The following PCDHA1 variants were observed in gnomAD, a reference collection of about 807,000 sequenced individuals.
PCDHA1 encodes the protein protocadherin alpha-1.
A neutral mutation model predicts 61.3 loss-of-function variants in PCDHA1; 42 were observed. That is an observed-to-expected ratio of 0.69 (90% CI 0.54 to 0.89). The LOEUF (loss-of-function observed/expected upper bound fraction) is 0.89, where lower values mean the gene tolerates loss of function less well. Among genes scored for constraint, PCDHA1 ranks in the 40% least tolerant of loss-of-function variants. The probability of loss-of-function intolerance (pLI) is 0.00; values close to 1 mark genes in which losing one functional copy is unlikely to be tolerated. For synonymous variants in PCDHA1, 610 were observed against 553.8 expected (o/e 1.10, Z -1.43); for missense variants, 1,256 against 1,235.3 (o/e 1.02, Z -0.25).
chr5:140,876,231 A>C (rs1428769390), intron 1 of PCDHA1: 4 of 1,614,004 alleles, frequency 2.5e-6, no homozygotes, highest in Non-Finnish European at 3.4e-6. Flanking sequence ...TGTTGTCTGA[A>C]AATGTCCAAA....
intron 1 of PCDHA1, chr5:140,807,985 C>T (rs782010468): frequency 1.9e-6 from 3 of 1,613,554 alleles, no homozygotes; most frequent in East Asian, 4.5e-5. Context: ...AACTTAACGC[C>T]TCAGATTTAG....
At chr5:140,792,402 A>G (rs1446928106) in intron 1 of PCDHA1, among the ~76,000 whole-genome samples, 1 of 152,176 alleles carries the variant, frequency 6.6e-6, no homozygotes, top group Non-Finnish European at 1.5e-5. Context: ...TAAACCTCAG[A>G]AAAGTGATGT....
chr5:140,932,203 T>C (rs1415160763), intron 1 of PCDHA1, among the ~76,000 whole-genome samples: 1 of 151,924 alleles, frequency 6.6e-6, no homozygotes, highest in Non-Finnish European at 1.5e-5. Context: ...TCTGTTAATA[T>C]TCTTGATGGG....
chr5:140,873,262 G>A (rs1196053156), intron 1 of PCDHA1, among the ~76,000 whole-genome samples: 2 of 152,136 alleles, frequency 1.3e-5, no homozygotes, highest in Non-Finnish European at 2.9e-5. Context: ...ACTCAAAAGT[G>A]ATTAAACCAT....
At chr5:140,870,810 T>C in intron 1 of PCDHA1, 2 of 1,613,710 alleles carry the variant, frequency 1.2e-6, no homozygotes, top group South Asian at 1.1e-5. Context: ...CGACTCAGGC[T>C]GGCAGCGCGG....
At chr5:141,006,363 C>A (rs2098270160) in intron 3 of PCDHA1, among the ~76,000 whole-genome samples, 1 of 152,080 alleles carries the variant, frequency 6.6e-6, no homozygotes, top group Non-Finnish European at 1.5e-5. Context: ...AGGCGCCCAC[C>A]ACCACGCCCG....
chr5:140,873,461 T>A (rs2054305243), intron 1 of PCDHA1, among the ~76,000 whole-genome samples: 1 of 152,224 alleles, frequency 6.6e-6, no homozygotes, highest in Admixed American at 6.5e-5. Context: ...GCATTTTAGA[T>A]AATTCAAATT....
intron 1 of PCDHA1, chr5:140,871,198 C>A: frequency 6.2e-7 from 1 of 1,613,730 alleles, no homozygotes; most frequent in Non-Finnish European, 8.5e-7. Flanking sequence ...CAACGTGTAC[C>A]TGATCATCGC....
chr5:140,797,261 A>G (rs540368650), intron 1 of PCDHA1: 1 of 1,614,214 alleles, frequency 6.2e-7, no homozygotes, highest in African/African-American at 1.3e-5. Flanking sequence ...GACCCCCCCA[A>G]GACGGACCTC....
chr5:140,861,121 A>G (rs556416106), intron 1 of PCDHA1: 3 of 153,482 alleles, frequency 2.0e-5, no homozygotes, highest in African/African-American at 7.2e-5. Flanking sequence ...ACAAACACCC[A>G]TTAAGACCAC....
At position 140,874,324 on chromosome 5, in the gene PCDHA1, C is replaced by A. The variant is rs1369470009; in HGVS notation, c.2394+85640C>A. On this transcript the variant is annotated intron_variant, in intron 1 of 3. Transcript: ENST00000504120. Reference sequence around the variant, plus strand: ...TTCACAATGAGTTGTAGGATCTTATCTGTTTTTTTCTCTTAAAGCTGATCT... The same window carrying A: ...TTCACAATGAGTTGTAGGATCTTATATGTTTTTTTCTCTTAAAGCTGATCT... Among the ~76,000 whole-genome samples the A allele has an allele frequency of 2.6e-5, 4 of 151,652 alleles. No individual in the cohort carries two copies. In the East Asian group the frequency reaches 7.7e-4, roughly 29 times the overall value.
At chr5:140,797,010 G>C (rs782780304) in intron 1 of PCDHA1, 4 of 1,613,628 alleles carry the variant, frequency 2.5e-6, no homozygotes, top group Non-Finnish European at 3.4e-6. Context: ...CGTCGCGGGC[G>C]TGGGTGGGCG....
chr5:140,787,923 C>G lies in PCDHA1; in HGVS notation c.1633C>G (p.Leu545Val), dbSNP rs367694549. ...VSARDAGVPP[L>V]GSNVTLQVFV... ...CGCGCGGGATGCGGGCGTGCCGCCT[C>G]TGGGCAGCAACGTGACGCTGCAGGT... Residue 545 changes from leucine to valine, a missense_variant, in exon 1 of 4, where the codon CTG becomes GTG. Leu to Val is a conservative substitution (Grantham distance 32). Coordinates refer to ENST00000504120, the MANE Select transcript of PCDHA1 (RefSeq NM_018900.4). 2 of 1,613,844 alleles carry G rather than the reference C, an allele frequency of 1.2e-6. No individual in the cohort carries two copies. Among genetic ancestry groups the G allele is most frequent in the Admixed American group, 3.3e-5 (2 of 60,008 alleles).
intron 1 of PCDHA1, among the ~76,000 whole-genome samples, chr5:140,946,403 CATAGAA>C (rs1425933072): frequency 1.3e-5 from 2 of 151,512 alleles, no homozygotes; most frequent in African/African-American, 2.4e-5. Flanking sequence ...TTAGTACAAT[CATAGAA>C]AACAATATGG....
intron 1 of PCDHA1, among the ~76,000 whole-genome samples, chr5:140,953,003 A>G (rs2094831963): frequency 6.6e-6 from 1 of 152,190 alleles, no homozygotes; most frequent in Non-Finnish European, 1.5e-5. Context: ...CTCTCTCACT[A>G]TTATGAGAAC....
At chr5:140,829,666 C>T in intron 1 of PCDHA1, 2 of 1,612,840 alleles carry the variant, frequency 1.2e-6, no homozygotes, top group Non-Finnish European at 1.7e-6. Flanking sequence ...CGCTGGACCA[C>T]GAGGAGCTAG....
chr5:140,850,992 G>T, intron 1 of PCDHA1: 1 of 1,444,816 alleles, frequency 6.9e-7, no homozygotes, highest in Non-Finnish European at 9.2e-7. Context: ...CATTTTTCTA[G>T]AAATCCAGCA....
intron 1 of PCDHA1, chr5:140,869,471 T>C (rs1554163114): frequency 6.2e-7 from 1 of 1,613,696 alleles, no homozygotes; most frequent in South Asian, 1.1e-5. Flanking sequence ...AACGTGGAGG[T>C]GAAGGACATT....
In PCDHA1 at chr5:140,871,059, T is replaced by A. The variant is rs781936875; in HGVS notation, c.2394+82375T>A. 4.3e-6 allele frequency: 7 copies of A among 1,613,256 alleles called. No homozygotes were observed. In the South Asian group the frequency reaches 7.7e-5, roughly 18 times the overall value. On this transcript the variant is annotated intron_variant, in intron 1 of 3. Transcript: ENST00000504120. ...ACCGACTTCTAGTACTGGTGAAGGA[T>A]CACGGTGAGCCGGCGCTGACGGCCA...
Sources: allele counts gnomAD v4.1 joint callset (sites outside exome capture counted in the v4.1 genomes callset), GRCh38; gene constraint gnomAD v4.1.1; transcripts MANE v1.5; gene names NCBI Gene and HGNC (gene_info 2026-07-23, HGNC 2026-07-21).